NXN: variants seen among roughly 807,000 people sequenced by gnomAD.
NXN encodes nucleoredoxin 1.
A neutral mutation model predicts 48.6 loss-of-function variants in NXN; 16 were observed. The observed-to-expected ratio is 0.33, with a 90% confidence interval of 0.22 to 0.50. The LOEUF is 0.50. Among genes scored for constraint, NXN ranks in the 20% least tolerant of loss-of-function variants. The pLI is 0.98. For synonymous variants in NXN, 281 were observed against 269.6 expected (o/e 1.04, Z -0.41); for missense variants, 492 against 605.5 (o/e 0.81, Z 1.97).
rs1013610480 is a variant in NXN at position 932,367 on chromosome 17, CAGCCTGGACCTACCA to C, written c.360+46937_360+46951del. On this transcript the variant is annotated intron_variant, in intron 1 of 7. Transcript: ENST00000336868. This position sits in a 1 kb window ranked among gnomAD's most constrained non-coding sequence, Gnocchi z 4.1. The stretch of plus-strand genomic sequence containing the variant: ...GCTAGAATTGCAAACTACTGGGCCC[CAGCCTGGACCTACCA>C]AGTCAAGAACTCTGGGATGGGGCCC... Among the ~76,000 whole-genome samples, 1 of 152,138 alleles carries C rather than the reference CAGCCTGGACCTACCA, an allele frequency of 6.6e-6. No homozygotes were observed. The highest frequency in any genetic ancestry group is 2.4e-5 in the African/African-American group (1 of 41,438).
intron 1 of NXN, among the ~76,000 whole-genome samples, chr17:955,780 T>C (rs1251845738): frequency 2.0e-5 from 3 of 151,932 alleles, no homozygotes; most frequent in African/African-American, 7.2e-5. Context: ...CGGGCGCCTG[T>C]AGTCCCAGCA....
intron 1 of NXN, among the ~76,000 whole-genome samples, chr17:853,289 CAA>C (rs1217777197): frequency 6.6e-6 from 1 of 151,948 alleles, no homozygotes; most frequent in East Asian, 1.9e-4. Context: ...ACCAAAAATA[CAA>C]AAATTAGCCG....
In NXN at chr17:913,844, A is replaced by G. The variant is rs568978221; in HGVS notation, c.360+65475T>C. Among the ~76,000 whole-genome samples, 4 of 152,362 alleles carry G rather than the reference A, an allele frequency of 2.6e-5. No individual in the cohort carries two copies. The South Asian group carries it at 8.3e-4, about 32-fold the overall frequency. The stretch of plus-strand genomic sequence containing the variant: ...AACTCACTTACTTAAGTGCAAGGAC[A>G]TTCATTATAACGGCGTGTCCTCCCA... On this transcript the variant is annotated intron_variant, in intron 1 of 7. Transcript: ENST00000336868.
At chr17:837,656 T>C (rs1364811188) in intron 1 of NXN, among the ~76,000 whole-genome samples, 1 of 152,202 alleles carries the variant, frequency 6.6e-6, no homozygotes, top group African/African-American at 2.4e-5. Context: ...AATCCAGCGC[T>C]GGTGGGATCA....
Position 804,061 on chromosome 17 carries a change from C to G in NXN, c.1001-255G>C, listed in dbSNP as rs557761497. 1,483 of 493,708 alleles carry G rather than the reference C, an allele frequency of 3.0e-3. 17 individuals are homozygous for G. Among genetic ancestry groups the G allele is most frequent in the African/African-American group, 0.026 (1,347 of 51,550 alleles). 30.6% of individuals were successfully genotyped at this position (493,708 alleles called of 1,614,324 possible). A position where few individuals can be genotyped will look rare whatever the true frequency, so the allele number is the denominator to read the frequency against. The stretch of plus-strand genomic sequence containing the variant: ...GAGGAACCTGCCTCACTGAGCAGCT[C>G]TGCTCTCCCAGGTAGACAGTCTTCC... On this transcript the variant is annotated intron_variant, in intron 6 of 7. Transcript: ENST00000336868.
At chr17:936,339 G>A (rs1354032197) in intron 1 of NXN, among the ~76,000 whole-genome samples, 2 of 151,984 alleles carry the variant, frequency 1.3e-5, no homozygotes, top group African/African-American at 2.4e-5. Flanking sequence ...TGGAAGAGCC[G>A]CCCTCCCTCT....
At chr17:845,070 C>G (rs1028272736) in intron 1 of NXN, among the ~76,000 whole-genome samples, 3 of 152,172 alleles carry the variant, frequency 2.0e-5, no homozygotes, top group Non-Finnish European at 4.4e-5. Flanking sequence ...CACAGACTCA[C>G]AGCACGGGAG....
intron 1 of NXN, among the ~76,000 whole-genome samples, chr17:945,610 G>GACAT (rs1443430849): frequency 7.7e-5 from 11 of 142,838 alleles, no homozygotes; most frequent in Non-Finnish European, 1.5e-4. Context: ...CAGCCTGGGC[G>GACAT]AGAGAGTGAC....
intron 5 of NXN, among the ~76,000 whole-genome samples, chr17:812,519 A>G (rs554332): frequency 0.24 from 36,115 of 152,180 alleles, 4,785 homozygotes; most frequent in East Asian, 0.38. Flanking sequence ...CAGGATGTGC[A>G]GACCAGACAC....
chr17:909,283 C>A (rs1204281203), intron 1 of NXN, among the ~76,000 whole-genome samples: 1 of 152,028 alleles, frequency 6.6e-6, no homozygotes, highest in South Asian at 2.1e-4. Context: ...AAATTACAAA[C>A]ACTTATAAAG....
intron 1 of NXN, among the ~76,000 whole-genome samples, chr17:844,350 C>T (rs967656693): frequency 2.8e-5 from 4 of 144,034 alleles, no homozygotes; most frequent in African/African-American, 7.6e-5. Flanking sequence ...GGCCATCATA[C>T]GTCCCGTCCT....
At chr17:959,258 T>C in intron 1 of NXN, 1 of 625,558 alleles carries the variant, frequency 1.6e-6, no homozygotes, top group Non-Finnish European at 2.4e-6. Context: ...CTCCAAAGCC[T>C]TCCTTTCCCC....
chr17:972,072 A>G (rs1448195897), intron 1 of NXN, among the ~76,000 whole-genome samples: 2 of 152,296 alleles, frequency 1.3e-5, no homozygotes, highest in East Asian at 1.9e-4. Context: ...AGGCCAAGGC[A>G]GGCGGACCAC....
rs532503747 is a variant in NXN, at chr17:833,048, G to A, written c.361-6970C>T. On this transcript the variant is annotated intron_variant, in intron 1 of 7. Transcript: ENST00000336868. ...TGGGACTACAGGCACCTGCCACCAC[G>A]CCCAGCTAATTTTTTGTATTTTTTA... is the stretch of plus-strand genomic sequence containing the variant. Among the ~76,000 whole-genome samples the A allele has an allele frequency of 3.9e-5, 6 of 151,964 alleles. 1 individual carries two copies. Among genetic ancestry groups the A allele is most frequent in the South Asian group, 4.2e-4 (2 of 4,808 alleles).
At chr17:885,739 GGC>G (rs2068339272) in intron 1 of NXN, among the ~76,000 whole-genome samples, 1 of 143,400 alleles carries the variant, frequency 7.0e-6, no homozygotes, top group Non-Finnish European at 1.5e-5. Flanking sequence ...GGAGTGCAGT[GGC>G]GCAATCTCAG....
chr17:887,495 C>T (rs2068361941), intron 1 of NXN, among the ~76,000 whole-genome samples: 6 of 152,098 alleles, frequency 3.9e-5, no homozygotes. Flanking sequence ...TTCCAAATCC[C>T]GGGCATTTTC....
At chr17:811,095 G>A (rs990850733) in intron 5 of NXN, among the ~76,000 whole-genome samples, 6 of 152,226 alleles carry the variant, frequency 3.9e-5, no homozygotes, top group Admixed American at 6.5e-5. Flanking sequence ...GGAAGCAGAA[G>A]AGGAAGAAAG....
intron 1 of NXN, among the ~76,000 whole-genome samples, chr17:879,499 C>T (rs2068260373): frequency 6.6e-6 from 1 of 151,880 alleles, no homozygotes; most frequent in African/African-American, 2.4e-5. Flanking sequence ...GTTGGCCAGG[C>T]TGGTCTTGAA....
intron 1 of NXN, among the ~76,000 whole-genome samples, chr17:963,320 G>A (rs756375776): frequency 1.1e-4 from 17 of 151,510 alleles, no homozygotes; most frequent in African/African-American, 2.7e-4. Flanking sequence ...TGCTATATCC[G>A]GGCTAGGCGC....
Sources: allele counts gnomAD v4.1 joint callset (sites outside exome capture counted in the v4.1 genomes callset), GRCh38; gene constraint gnomAD v4.1.1; non-coding constraint Gnocchi (gnomAD v3.1); transcripts MANE v1.5; gene names NCBI Gene and HGNC (gene_info 2026-07-23, HGNC 2026-07-21).